Variants in SAMTOR observed in about 807,000 individuals in gnomAD.
The protein encoded by SAMTOR is S-adenosylmethionine sensor upstream of mTORC1, also known as UPF0532 protein C7orf60.
chr7:112,889,781 C>T, the SAMTOR span, among the ~76,000 whole-genome samples: 1 of 152,206 alleles, frequency 6.6e-6, no homozygotes, highest in Non-Finnish European at 1.5e-5. Flanking sequence ...AGGATCTGTC[C>T]TATCTTTGCC....
chr7:112,939,814 G>A, the SAMTOR span: 1 of 1,341,142 alleles, frequency 7.5e-7, no homozygotes, highest in Non-Finnish European at 1.0e-6. Context: ...GATGGAGGAG[G>A]TGGGGTAGGA....
the SAMTOR span, among the ~76,000 whole-genome samples, chr7:112,927,361 C>A: frequency 6.6e-6 from 1 of 151,924 alleles, no homozygotes; most frequent in Non-Finnish European, 1.5e-5. Flanking sequence ...AAATCAGGAG[C>A]TAGAACTTCT....
the SAMTOR span, among the ~76,000 whole-genome samples, chr7:112,835,102 G>A: frequency 6.6e-6 from 1 of 152,076 alleles, no homozygotes; most frequent in African/African-American, 2.4e-5. Flanking sequence ...AGTAATGTCT[G>A]TGGTTTTAGG....
chr7:112,896,484 A>G, the SAMTOR span, among the ~76,000 whole-genome samples: 1 of 152,234 alleles, frequency 6.6e-6, no homozygotes, highest in African/African-American at 2.4e-5. Flanking sequence ...TCATGCTTAC[A>G]GGATCCCATT....
At chr7:112,874,770 T>C in the SAMTOR span, among the ~76,000 whole-genome samples, 1 of 152,212 alleles carries the variant, frequency 6.6e-6, no homozygotes, top group African/African-American at 2.4e-5. Context: ...ACTTTCCATG[T>C]TACCTAGCTA....
At chr7:112,907,100 A>G in the SAMTOR span, among the ~76,000 whole-genome samples, 8 of 152,280 alleles carry the variant, frequency 5.3e-5, no homozygotes, top group Non-Finnish European at 5.9e-5. Context: ...ACAGCATTGT[A>G]AGTCTTTATG....
chr7:112,872,670 A>C, the SAMTOR span, among the ~76,000 whole-genome samples: 1 of 152,244 alleles, frequency 6.6e-6, no homozygotes, highest in East Asian at 1.9e-4. Context: ...TCCAAATAGG[A>C]AGAGAGGAAG....
At chr7:112,925,915 C>G in the SAMTOR span, among the ~76,000 whole-genome samples, 1 of 151,862 alleles carries the variant, frequency 6.6e-6, no homozygotes, top group Non-Finnish European at 1.5e-5. Context: ...GGAGAAAAAA[C>G]TAATACAAGG....
the SAMTOR span, among the ~76,000 whole-genome samples, chr7:112,865,171 C>T: frequency 1.3e-5 from 2 of 152,138 alleles, no homozygotes; most frequent in African/African-American, 2.4e-5. Flanking sequence ...CATTCTCAGT[C>T]GGGCACAGTG....
chr7:112,853,649 G>GT, the SAMTOR span, among the ~76,000 whole-genome samples: 1 of 152,018 alleles, frequency 6.6e-6, no homozygotes, highest in Non-Finnish European at 1.5e-5. Context: ...CTTTTTTGTT[G>GT]TTTTTTCAAA....
chr7:112,835,070 A>C, the SAMTOR span, among the ~76,000 whole-genome samples: 2 of 152,124 alleles, frequency 1.3e-5, no homozygotes, highest in African/African-American at 4.8e-5. Flanking sequence ...GTATATATAA[A>C]AACATAGTAT....
At chr7:112,929,934 C>T in the SAMTOR span, among the ~76,000 whole-genome samples, 1 of 151,854 alleles carries the variant, frequency 6.6e-6, no homozygotes, top group South Asian at 2.1e-4. Context: ...GTATATGTTA[C>T]AAAATTAAGA....
the SAMTOR span, among the ~76,000 whole-genome samples, chr7:112,932,058 TG>T: frequency 6.6e-6 from 1 of 152,040 alleles, no homozygotes; most frequent in Admixed American, 6.6e-5. Context: ...CACAAGTAGC[TG>T]GGACTACAGG....
chr7:112,872,943 ACGTG>A, the SAMTOR span, among the ~76,000 whole-genome samples: 1 of 151,560 alleles, frequency 6.6e-6, no homozygotes, highest in African/African-American at 2.4e-5. Context: ...GCGTGTGTGC[ACGTG>A]CGTGCACACA....
At chr7:112,926,752 T>G in the SAMTOR span, among the ~76,000 whole-genome samples, 1,623 of 152,138 alleles carry the variant, frequency 0.011, 31 homozygotes, top group African/African-American at 0.037. Context: ...GGCATTGGTA[T>G]CAAAAAAAGG....
At chr7:112,854,519 G>C in the SAMTOR span, among the ~76,000 whole-genome samples, 1 of 152,232 alleles carries the variant, frequency 6.6e-6, no homozygotes, top group East Asian at 1.9e-4. Context: ...ATTTATATCT[G>C]AAAAAAGTTT....
chr7:112,857,079 C>CTTT, the SAMTOR span, among the ~76,000 whole-genome samples: 223 of 105,744 alleles, frequency 2.1e-3, no homozygotes, highest in African/African-American at 2.8e-3. Flanking sequence ...TTCTTTTAAT[C>CTTT]TTTTTTTTTT....
the SAMTOR span, among the ~76,000 whole-genome samples, chr7:112,876,105 C>A: frequency 2.0e-5 from 3 of 152,080 alleles, no homozygotes; most frequent in African/African-American, 7.2e-5. Flanking sequence ...GGACTACAGG[C>A]ACATGCCACC....
the SAMTOR span, among the ~76,000 whole-genome samples, chr7:112,887,696 T>C: frequency 6.6e-6 from 1 of 152,244 alleles, no homozygotes; most frequent in African/African-American, 2.4e-5. Context: ...AAGGAACCAG[T>C]CTATTTCATC....
Sources: gnomAD v4.1 joint callset for allele counts (sites outside exome capture counted in the v4.1 genomes callset) on GRCh38, gnomAD v4.1.1 for gene constraint, MANE v1.5 for transcripts, NCBI Gene and HGNC (gene_info 2026-07-23, HGNC 2026-07-21) for gene names.